The following USP32 variants were observed in gnomAD, a reference collection of about 807,000 sequenced individuals.
USP32 encodes the protein ubiquitin carboxyl-terminal hydrolase 32.
In USP32, 59 loss-of-function variants were observed where a neutral mutation model predicts 204.8. The observed-to-expected ratio is 0.29, with a 90% CI of 0.23 to 0.36. The LOEUF (loss-of-function observed/expected upper bound fraction) is 0.36, where lower values mean the gene tolerates loss of function less well. Among genes scored for constraint, USP32 ranks in the 10% least tolerant of loss-of-function variants. USP32 has a pLI of 1.00. For synonymous variants in USP32, 517 were observed against 678.4 expected, an observed-to-expected ratio of 0.76 and a Z score of 3.70; for missense variants, 1,160 against 1,946.4, an observed-to-expected ratio of 0.60 and a Z score of 7.60.
intron 1 of USP32, among the ~76,000 whole-genome samples, chr17:60,409,675 C>T (rs1285665066): frequency 6.6e-6 from 1 of 152,164 alleles, no homozygotes; most frequent in Non-Finnish European, 1.5e-5. Context: ...CTCAAAGCCA[C>T]CCTTGTTCAT....
intron 1 of USP32, among the ~76,000 whole-genome samples, chr17:60,371,568 CAA>C (rs541521928): frequency 3.9e-5 from 5 of 128,886 alleles, no homozygotes; most frequent in Admixed American, 7.8e-5. Context: ...GATTCTGTCT[CAA>C]AAAAAAAAAA....
chr17:60,271,561 C>A, intron 5 of USP32, 80 bp from the exon 6 acceptor site: 1 of 1,345,998 alleles, frequency 7.4e-7, no homozygotes, highest in South Asian at 1.7e-5. Context: ...AATATATCTT[C>A]CACAGATATA....
At chr17:60,202,443 TCA>T (rs377613629) in intron 26 of USP32, among the ~76,000 whole-genome samples, 1,724 of 140,286 alleles carry the variant, frequency 0.012, 32 homozygotes, top group East Asian at 0.094. Flanking sequence ...GCTTATCAAA[TCA>T]CACACACACA....
Position 60,208,132 on chromosome 17 carries a change from T to G in USP32, c.2852A>C (p.Lys951Thr). 1 of 1,606,050 alleles carries G rather than the reference T, an allele frequency of 6.2e-7. No individual in the cohort carries two copies. Among genetic ancestry groups the G allele is most frequent in the Non-Finnish European group, 8.5e-7 (1 of 1,174,688 alleles). Reference protein sequence around the residue: ...NMDEKYTGLKKQLSDLCGLNS... With the variant: ...NMDEKYTGLKTQLSDLCGLNS... The stretch of plus-strand genomic sequence containing the variant: ...AAGTCCACAGAGATCACTCAGCTGT[T>G]TTTTTAAACCTGTGTACTTTTCATC... The change falls in exon 24 of 34, where the codon AAA becomes ACA. Residue 951 changes from lysine to threonine, a missense_variant. Coordinates refer to ENST00000300896, the MANE Select transcript of USP32 (RefSeq NM_032582.4).
At chr17:60,301,274 G>A in intron 3 of USP32, among the ~76,000 whole-genome samples, 1 of 152,162 alleles carries the variant, frequency 6.6e-6, no homozygotes, top group East Asian at 1.9e-4. Flanking sequence ...GAGCCACCAG[G>A]CTGGTTTCCA....
chr17:60,223,044 A>C (rs1159560004), intron 14 of USP32, among the ~76,000 whole-genome samples: 1 of 152,222 alleles, frequency 6.6e-6, no homozygotes, highest in African/African-American at 2.4e-5. Flanking sequence ...TATGTAAGAA[A>C]TGAAACTCAA....
chr17:60,185,804 G>A lies in USP32; in HGVS notation c.3643-153C>T, dbSNP rs982499526. ...TGGCTGGGTATGGTGGCTCATGCCT[G>A]TAATCCCAGCACTTTAGGAGGCCGA... is the stretch of plus-strand genomic sequence containing the variant. On this transcript the variant is annotated intron_variant, in intron 29 of 33. Coordinates refer to ENST00000300896, the MANE Select transcript of USP32 (RefSeq NM_032582.4). The A allele has an allele frequency of 1.9e-5, 17 of 913,588 alleles. No homozygotes were observed. In the African/African-American group the frequency reaches 2.3e-4, roughly 13 times the overall value. 56.6% of individuals were successfully genotyped at this position (913,588 alleles called of 1,614,324 possible).
At chr17:60,338,324 C>CAAA (rs535885155) in intron 2 of USP32, among the ~76,000 whole-genome samples, 3 of 94,634 alleles carry the variant, frequency 3.2e-5, no homozygotes, top group East Asian at 6.7e-4. Context: ...GACTCTATCT[C>CAAA]AAAAAAAAAA....
At chr17:60,276,841 T>C (rs978958352) in intron 5 of USP32, among the ~76,000 whole-genome samples, 2 of 152,016 alleles carry the variant, frequency 1.3e-5, no homozygotes, top group African/African-American at 2.4e-5. Flanking sequence ...AAACATCCTT[T>C]AGTGCTGACG....
At position 60,205,501 on chromosome 17, in the gene USP32, T is replaced by C. The variant is rs746882919; in HGVS notation, c.3195A>G (p.Pro1065=). 1.2e-6 allele frequency: 2 copies of C among 1,613,780 alleles called. No homozygotes were observed. Among genetic ancestry groups the C allele is most frequent in the Non-Finnish European group, 1.7e-6 (2 of 1,179,710 alleles). ...CTGTAAAGGGGCTGTCAGGAAGAGA[T>C]GGCATGTGACCATTAACCATTCCAT... is the stretch of plus-strand genomic sequence containing the variant. ...FTNGMVNGHM[P]SLPDSPFTGY... is the part of the protein sequence containing the mutation. The change falls in exon 26 of 34, where the codon CCA becomes CCG. Residue 1065 remains proline, a synonymous_variant. Transcript: ENST00000300896.
chr17:60,365,587 T>TA (rs1322174386), intron 1 of USP32, among the ~76,000 whole-genome samples: 1 of 150,090 alleles, frequency 6.7e-6, no homozygotes, highest in Admixed American at 6.6e-5. Context: ...ATCTTCCCTG[T>TA]AAGCATTCAC....
intron 3 of USP32, among the ~76,000 whole-genome samples, chr17:60,297,266 G>C (rs2087454725): frequency 6.6e-6 from 1 of 152,040 alleles, no homozygotes; most frequent in Non-Finnish European, 1.5e-5. Context: ...GGGCATTGTG[G>C]TACGTGCCTC....
chr17:60,233,493 A>T (rs962198483), intron 12 of USP32, among the ~76,000 whole-genome samples: 3 of 152,138 alleles, frequency 2.0e-5, no homozygotes, highest in Admixed American at 6.6e-5. Context: ...CAAAACACTT[A>T]ACATGCATCA....
At chr17:60,331,334 G>T (rs548465918) in intron 2 of USP32, among the ~76,000 whole-genome samples, 1 of 152,336 alleles carries the variant, frequency 6.6e-6, no homozygotes, top group South Asian at 2.1e-4. Context: ...GGGAGGCCAA[G>T]GCAGGCGGAC....
intron 1 of USP32, among the ~76,000 whole-genome samples, chr17:60,416,140 C>T (rs2090060402): frequency 6.6e-6 from 1 of 151,998 alleles, no homozygotes; most frequent in African/African-American, 2.4e-5. Flanking sequence ...GCCTGGCTTA[C>T]TCTTGGGTTT....
chr17:60,284,034 A>C (rs2087040749), intron 5 of USP32, among the ~76,000 whole-genome samples: 1 of 152,176 alleles, frequency 6.6e-6, no homozygotes, highest in Non-Finnish European at 1.5e-5. Context: ...TTCAAAAGCC[A>C]AAGGAGAAGA....
At chr17:60,194,873 C>T (rs2145423648) in intron 27 of USP32, among the ~76,000 whole-genome samples, 2 of 152,338 alleles carry the variant, frequency 1.3e-5, no homozygotes, top group South Asian at 4.1e-4. Context: ...TCCTCACTTG[C>T]CTCTTTACCC....
At chr17:60,331,007 A>C (rs1436076024) in intron 2 of USP32, among the ~76,000 whole-genome samples, 1 of 152,182 alleles carries the variant, frequency 6.6e-6, no homozygotes, top group African/African-American at 2.4e-5. Context: ...AAATTCCTAC[A>C]ATTCTGATCA....
At chr17:60,244,399 A>C (rs1427818749) in intron 11 of USP32, among the ~76,000 whole-genome samples, 12 of 152,182 alleles carry the variant, frequency 7.9e-5, no homozygotes, top group Admixed American at 7.9e-4. Flanking sequence ...TATTTAAGGT[A>C]AAAACAGATG....
Sources: allele counts gnomAD v4.1 joint callset (sites outside exome capture counted in the v4.1 genomes callset), GRCh38; gene constraint gnomAD v4.1.1; transcripts MANE v1.5; gene names NCBI Gene and HGNC (gene_info 2026-07-23, HGNC 2026-07-21).